Variants in STK32A observed in about 807,000 individuals in gnomAD.
STK32A encodes the protein serine/threonine-protein kinase 32A.
A neutral mutation model predicts 53.2 loss-of-function variants in STK32A; 41 were observed. The ratio of observed to expected loss-of-function variants is 0.77; its 90% confidence interval spans 0.60 to 1.00. The LOEUF (loss-of-function observed/expected upper bound fraction) is 1.00, where lower values mean the gene tolerates loss of function less well. Ranked by LOEUF, STK32A falls within the 50% of genes least tolerant of loss-of-function variation. The probability of loss-of-function intolerance (pLI) is 0.00; values close to 1 mark genes in which losing one functional copy is unlikely to be tolerated. For missense variants in STK32A, 458 were observed against 485.8 expected, an observed-to-expected ratio of 0.94 and a Z score of 0.54; for synonymous variants, 166 against 162.8, an observed-to-expected ratio of 1.02 and a Z score of -0.15.
At chr5:147,355,451 A>G (rs1287572010) in intron 7 of STK32A, among the ~76,000 whole-genome samples, 1 of 152,108 alleles carries the variant, frequency 6.6e-6, no homozygotes, top group Non-Finnish European at 1.5e-5. Context: ...AGGCGGGCAG[A>G]TCACAAGGTC....
At chr5:147,247,231 T>G (rs1298395030) in intron 2 of STK32A, among the ~76,000 whole-genome samples, 1 of 152,142 alleles carries the variant, frequency 6.6e-6, no homozygotes, top group East Asian at 1.9e-4. Context: ...TCGATTAGAG[T>G]GACCAGTGTT....
intron 4 of STK32A, among the ~76,000 whole-genome samples, chr5:147,298,494 G>A (rs568787605): frequency 6.4e-4 from 97 of 152,298 alleles, no homozygotes; most frequent in Non-Finnish European, 2.1e-4. Flanking sequence ...TGCTCTACTA[G>A]TTTTCTAAAT....
At chr5:147,253,548 G>A (rs918678519) in intron 2 of STK32A, among the ~76,000 whole-genome samples, 2 of 152,176 alleles carry the variant, frequency 1.3e-5, no homozygotes, top group Non-Finnish European at 2.9e-5. Context: ...AGAGATGGGG[G>A]TTTCACCATG....
At chr5:147,262,915 G>A (rs1263850416) in intron 2 of STK32A, among the ~76,000 whole-genome samples, 5 of 152,170 alleles carry the variant, frequency 3.3e-5, no homozygotes, top group African/African-American at 1.2e-4. Flanking sequence ...AGCTAGAGGT[G>A]AAGGGGAAGA....
chr5:147,298,121 TTC>T (rs1376898273), intron 4 of STK32A, among the ~76,000 whole-genome samples: 10 of 152,208 alleles, frequency 6.6e-5, no homozygotes, highest in Admixed American at 5.9e-4. Context: ...GTTTCATTTG[TTC>T]TCTCTGTTTA....
At chr5:147,259,977 G>T in intron 2 of STK32A, among the ~76,000 whole-genome samples, 1 of 111,418 alleles carries the variant, frequency 9.0e-6, no homozygotes, top group African/African-American at 3.6e-5. Context: ...TCTCCTCTCT[G>T]TGTCTCTTTG....
intron 4 of STK32A, among the ~76,000 whole-genome samples, chr5:147,284,625 A>G (rs561331541): frequency 2.2e-4 from 34 of 152,088 alleles, no homozygotes; most frequent in African/African-American, 7.9e-4. Context: ...GCAACCAAGT[A>G]GAGAACCAAA....
the STK32A span, chr5:147,398,950 T>A: frequency 1.6e-6 from 2 of 1,259,428 alleles, no homozygotes; most frequent in Non-Finnish European, 1.1e-6. Context: ...CCACTGAGAT[T>A]TAGGGGATGG....
At chr5:147,382,382 A>C (rs547550189) in intron 11 of STK32A, among the ~76,000 whole-genome samples, 2 of 151,588 alleles carry the variant, frequency 1.3e-5, no homozygotes, top group Non-Finnish European at 2.9e-5. Context: ...AGCATCTTTA[A>C]GATAGTTGTT....
chr5:147,336,026 G>A (rs1755102120), intron 5 of STK32A, among the ~76,000 whole-genome samples: 1 of 152,128 alleles, frequency 6.6e-6, no homozygotes, highest in Non-Finnish European at 1.5e-5. Flanking sequence ...ACTATCTACT[G>A]CTTCCCAAAT....
chr5:147,346,801 CTGACA>C (rs1471269780), intron 6 of STK32A, among the ~76,000 whole-genome samples: 2 of 152,132 alleles, frequency 1.3e-5, no homozygotes, highest in African/African-American at 2.4e-5. Flanking sequence ...TAATGTCTGC[CTGACA>C]TATCAGAGAA....
chr5:147,381,554 A>T (rs534028381), intron 11 of STK32A, among the ~76,000 whole-genome samples: 1 of 152,142 alleles, frequency 6.6e-6, no homozygotes, highest in East Asian at 1.9e-4. Flanking sequence ...AAGGCAAGAG[A>T]ATCTCTTGAA....
At chr5:147,397,701 C>A in the STK32A span, 4 of 1,614,098 alleles carry the variant, frequency 2.5e-6, no homozygotes, top group South Asian at 2.2e-5. Flanking sequence ...TAGACATAGT[C>A]GGAGAACGGG....
At chr5:147,336,116 T>C (rs1755107620) in intron 5 of STK32A, among the ~76,000 whole-genome samples, 1 of 152,164 alleles carries the variant, frequency 6.6e-6, no homozygotes, top group Admixed American at 6.5e-5. Context: ...TATACTAATA[T>C]ACTCATGCAA....
intron 4 of STK32A, among the ~76,000 whole-genome samples, chr5:147,317,331 T>TC (rs1472595410): frequency 3.2e-4 from 42 of 130,022 alleles, no homozygotes; most frequent in African/African-American, 1.1e-3. Flanking sequence ...TTCTTTTTTT[T>TC]TTTTTTTTTT....
intron 11 of STK32A, chr5:147,375,614 G>C (rs1224901626): frequency 6.3e-6 from 1 of 159,454 alleles, no homozygotes; most frequent in Non-Finnish European, 1.4e-5. Flanking sequence ...CTGCTTTGAG[G>C]AGTTTCTGGG....
intron 4 of STK32A, among the ~76,000 whole-genome samples, chr5:147,316,744 C>T (rs55780046): frequency 0.29 from 43,047 of 150,834 alleles, 6,363 homozygotes; most frequent in African/African-American, 0.36. Context: ...TAGTCCTAGC[C>T]ACTTGAAGGC....
Position 147,334,321 on chromosome 5 carries a change from T to C in STK32A, c.435-8685T>C, listed in dbSNP as rs1195736390. ...AGCCTCATAGTTCTGTTGCTGCCTA[T>C]TGGAGTTTTACTACGTGTACAGTCA... On this transcript the variant is annotated intron_variant, in intron 5 of 12. Coordinates refer to ENST00000397936, the MANE Select transcript of STK32A (RefSeq NM_001112724.2). 5.3e-5 allele frequency among the ~76,000 whole-genome samples: 8 copies of C among 152,340 alleles called. No homozygotes were observed. The East Asian group carries it at 1.5e-3, about 29-fold the overall frequency.
At position 147,276,398 on chromosome 5, in the gene STK32A, T is replaced by A. The variant is rs902433374; in HGVS notation, c.53-1726T>A. On this transcript the variant is annotated intron_variant, in intron 2 of 12. Transcript: ENST00000397936. Reference sequence around the variant, plus strand: ...GTATTTTCTATTCTATTTAATTAAATTTTTAGTACTTCTTATTTTAGCTAC... The same window carrying A: ...GTATTTTCTATTCTATTTAATTAAAATTTTAGTACTTCTTATTTTAGCTAC... Among the ~76,000 whole-genome samples the A allele has an allele frequency of 4.9e-4, 74 of 152,306 alleles. 1 individual carries two copies. Among genetic ancestry groups the A allele is most frequent in the African/African-American group, 1.8e-3 (73 of 41,564 alleles).
Sources: allele counts gnomAD v4.1 joint callset (sites outside exome capture counted in the v4.1 genomes callset), GRCh38; gene constraint gnomAD v4.1.1; transcripts MANE v1.5; gene names NCBI Gene and HGNC (gene_info 2026-07-23, HGNC 2026-07-21).